The following CTBP2 variants were observed in gnomAD, a reference collection of about 807,000 sequenced individuals.
The protein encoded by CTBP2 is C-terminal-binding protein 2.
CTBP2 carries 30 observed loss-of-function variants against 80.3 expected under a neutral mutation model. The ratio of observed to expected loss-of-function variants is 0.37; its 90% confidence interval spans 0.28 to 0.51. The LOEUF is 0.51. CTBP2 is among the 20% of genes least tolerant of loss of function. The pLI, the probability that CTBP2 is intolerant of heterozygous loss-of-function variation, is 0.93. For synonymous variants in CTBP2, 594 were observed against 587.4 expected (o/e 1.01, Z -0.16); for missense variants, 1,212 against 1,375.3 (o/e 0.88, Z 1.88).
At chr10:125,005,948 C>T (rs1244100883) in intron 1 of CTBP2, 33 of 1,493,794 alleles carry the variant, frequency 2.2e-5, no homozygotes, top group Middle Eastern at 2.5e-4. Context: ...AGGAAAACCA[C>T]GCTGGGCGCA....
chr10:125,043,463 G>A (rs1013583275), intron 2 of CTBP2, among the ~76,000 whole-genome samples: 1 of 151,998 alleles, frequency 6.6e-6, no homozygotes, highest in African/African-American at 2.4e-5. Context: ...TTGAGAAGGA[G>A]TCTTGCTCTG....
upstream of CTBP2, among the ~76,000 whole-genome samples, chr10:125,030,569 T>C (rs1357185919): frequency 6.6e-6 from 1 of 152,206 alleles, no homozygotes; most frequent in Non-Finnish European, 1.5e-5. Flanking sequence ...ATGTTCCCAT[T>C]GGAATAATCA....
intron 3 of CTBP2, among the ~76,000 whole-genome samples, chr10:125,035,447 C>A (rs1958752700): frequency 6.6e-6 from 1 of 152,172 alleles, no homozygotes; most frequent in South Asian, 2.1e-4. Context: ...CCTCGGGGGA[C>A]CATTTTCCAC....
intron 1 of CTBP2, among the ~76,000 whole-genome samples, chr10:125,021,944 TG>T (rs1957081500): frequency 6.6e-6 from 1 of 152,336 alleles, no homozygotes; most frequent in Admixed American, 6.5e-5. Context: ...TCTACCAGGC[TG>T]GGGTAGGGGC....
intron 4 of CTBP2, chr10:124,995,970 C>CCAGG (rs1953445663): frequency 6.6e-6 from 1 of 152,084 alleles, no homozygotes; most frequent in African/African-American, 2.4e-5. Flanking sequence ...CTCTGCAGAT[C>CCAGG]CAGGGCCTGG....
At chr10:124,998,273 G>C (rs890294946) in intron 3 of CTBP2, 103 bp from the exon 6 acceptor site, 4 of 1,317,346 alleles carry the variant, frequency 3.0e-6, no homozygotes, top group Non-Finnish European at 4.2e-6. Flanking sequence ...TGTTGGCACC[G>C]GGGGAGGCCC....
chr10:125,116,137 C>CGACT (rs1413675451), intron 1 of CTBP2, among the ~76,000 whole-genome samples: 1 of 152,110 alleles, frequency 6.6e-6, no homozygotes, highest in East Asian at 1.9e-4. Flanking sequence ...GAGGGGCCAC[C>CGACT]GACTCCAGGC....
In CTBP2 at chr10:125,026,326, T is replaced by A. The variant is rs757813651; in HGVS notation, c.1434A>T (p.Thr478=). 4 of 1,613,830 alleles carry A rather than the reference T, an allele frequency of 2.5e-6. No individual in the cohort carries two copies. The African/African-American group carries it at 4.0e-5, about 16-fold the overall frequency. ...GCACCGTGTATGCCGTGGAGTAGGCTGTTCTGGGGCCTGGGTGAAGGGGGT... is the reference window on the plus strand; with the variant it reads ...GCACCGTGTATGCCGTGGAGTAGGCAGTTCTGGGGCCTGGGTGAAGGGGGT... The change falls in exon 1 of 9, where the codon ACA becomes ACT. Residue 478 remains threonine (T), a synonymous_variant. Coordinates refer to ENST00000309035, the MANE Select transcript of CTBP2 (RefSeq NM_022802.3).
At chr10:125,123,157 G>T (rs1854615997) in intron 1 of CTBP2, among the ~76,000 whole-genome samples, 1 of 152,234 alleles carries the variant, frequency 6.6e-6, no homozygotes, top group Non-Finnish European at 1.5e-5. Flanking sequence ...ACCCATGTGT[G>T]TCGACCATGT....
At chr10:125,049,162 C>T (rs1962097805) in intron 2 of CTBP2, among the ~76,000 whole-genome samples, 1 of 152,014 alleles carries the variant, frequency 6.6e-6, no homozygotes, top group Non-Finnish European at 1.5e-5. Context: ...GCCACCTCTT[C>T]TCCACACTGG....
At chr10:125,111,653 T>G (rs1166254082) in intron 1 of CTBP2, among the ~76,000 whole-genome samples, 1 of 152,216 alleles carries the variant, frequency 6.6e-6, no homozygotes, top group Non-Finnish European at 1.5e-5. Context: ...TCAATAAAAT[T>G]GCACTTTCTT....
rs781397537 is a variant in CTBP2, at chr10:124,998,098, T to C, written c.2051A>G (p.Asn684Ser). Residue 684 changes from asparagine to serine, a missense_variant, in exon 4 of 9, where the codon AAC (asparagine) becomes AGC (serine). Asn to Ser is a conservative substitution (Grantham distance 46, BLOSUM62 1). Transcript: ENST00000309035. ...CAGCCACGTGTTCCTCCGGTACAGG[T>C]TGAGGATGTGGCAGATGGTAGAGTC... 7.4e-6 allele frequency: 12 copies of C among 1,612,592 alleles called. No homozygotes were observed. Among genetic ancestry groups the C allele is most frequent in the Admixed American group, 1.7e-5 (1 of 59,886 alleles).
chr10:125,156,196 C>T (rs1403492980), intron 1 of CTBP2, among the ~76,000 whole-genome samples: 1 of 152,186 alleles, frequency 6.6e-6, no homozygotes, highest in Admixed American at 6.5e-5. Flanking sequence ...ATAAATTTCC[C>T]TTCCCAACCA....
At chr10:125,034,418 A>G (rs1958623752) in intron 3 of CTBP2, among the ~76,000 whole-genome samples, 2 of 152,212 alleles carry the variant, frequency 1.3e-5, no homozygotes, top group South Asian at 4.1e-4. Flanking sequence ...TTGTTTGGGT[A>G]TGTTCATTTG....
At chr10:124,997,593 C>A (rs1182022359) in intron 4 of CTBP2, 10 of 280,076 alleles carry the variant, frequency 3.6e-5, no homozygotes, top group African/African-American at 1.9e-4. Flanking sequence ...CCAGCCCCTA[C>A]ACGAGCCCCA....
chr10:125,070,541 T>G (rs1845309116), intron 2 of CTBP2, among the ~76,000 whole-genome samples: 1 of 150,606 alleles, frequency 6.6e-6, no homozygotes, highest in Non-Finnish European at 1.5e-5. Context: ...TGGGTGACAG[T>G]GAGACTCAAT....
intron 1 of CTBP2, among the ~76,000 whole-genome samples, chr10:125,003,741 C>T (rs1257059464): frequency 1.3e-5 from 2 of 152,194 alleles, no homozygotes; most frequent in Non-Finnish European, 2.9e-5. Flanking sequence ...ACCATAGTCC[C>T]GAGAGCCTCA....
At position 125,041,153 on chromosome 10, in the gene CTBP2, C is replaced by G. The variant is rs1030020978; in HGVS notation, c.-101-1998G>C. On this transcript the variant is annotated intron_variant, in intron 2 of 10. Transcript: ENST00000337195. The stretch of plus-strand genomic sequence containing the variant: ...CTGGAATGCAGGGGCAAGCTCATGG[C>G]TCACTGCAGCCTCAACCTCCCAGGC... Among the ~76,000 whole-genome samples the G allele has an allele frequency of 5.9e-5, 9 of 152,348 alleles. No homozygotes were observed. In the East Asian group the frequency reaches 1.2e-3, roughly 20 times the overall value.
intron 1 of CTBP2, among the ~76,000 whole-genome samples, chr10:125,123,988 C>G (rs1443072922): frequency 2.0e-5 from 3 of 152,218 alleles, no homozygotes; most frequent in Non-Finnish European, 1.5e-5. Flanking sequence ...CTTCAGGACT[C>G]CCTGACCCAG....
Sources: allele counts gnomAD v4.1 joint callset (sites outside exome capture counted in the v4.1 genomes callset), GRCh38; gene constraint gnomAD v4.1.1; transcripts MANE v1.5; gene names NCBI Gene and HGNC (gene_info 2026-07-23, HGNC 2026-07-21).